RASGRP2: variants seen among roughly 807,000 people sequenced by gnomAD.
RASGRP2 encodes the protein RAS guanyl releasing protein 2, also known as RAS guanyl-releasing protein 2.
In RASGRP2, 44 loss-of-function variants were observed where a neutral mutation model predicts 71.0. That is an observed-to-expected ratio of 0.62 (90% CI 0.49 to 0.80). RASGRP2 has a LOEUF of 0.80. Among genes scored for constraint, RASGRP2 ranks in the 30% least tolerant of loss-of-function variants. The probability of loss-of-function intolerance (pLI) is 0.00; values close to 1 mark genes in which losing one functional copy is unlikely to be tolerated. For synonymous variants in RASGRP2, 350 were observed against 330.7 expected (o/e 1.06, Z -0.63); for missense variants, 663 against 813.4 (o/e 0.82, Z 2.25).
Position 64,740,130 on chromosome 11 carries a change from C to T in RASGRP2, c.405G>A (p.Gln135=). The T allele has an allele frequency of 6.2e-7, 1 of 1,614,144 alleles. No individual in the cohort carries two copies. Among genetic ancestry groups the T allele is most frequent in the Non-Finnish European group, 8.5e-7 (1 of 1,180,034 alleles). Residue 135 remains glutamine (Q), a synonymous_variant, in exon 6 of 17, where the codon CAG becomes CAA. Transcript: ENST00000394432. ...PTYKWKRQVT[Q]RNPVGQKKRK... is the part of the protein sequence containing the mutation. ...GCTTTTTCTGTCCCACAGGGTTCCG[C>T]TGAGTCACCTGCCGCTTCCACTTGT...
Position 64,743,277 on chromosome 11 carries a change from C to A in RASGRP2, c.-71-340G>T. Reference sequence around the variant, plus strand: ...CTCCCCAGAGGCACCTGCAGCACCCCGCAGCTCGGCTCTGCGCCCCTCCCG... The same window carrying A: ...CTCCCCAGAGGCACCTGCAGCACCCAGCAGCTCGGCTCTGCGCCCCTCCCG... On this transcript the variant is annotated intron_variant, in intron 1 of 16. Coordinates refer to ENST00000394432, the MANE Select transcript of RASGRP2 (RefSeq NM_001098671.2). The surrounding 1 kb of genome is among the most constrained non-coding windows in gnomAD (Gnocchi z 4.9). 2.1e-6 allele frequency: 1 copy of A among 473,308 alleles called. No individual in the cohort carries two copies. The highest frequency in any genetic ancestry group is 4.2e-6 in the Non-Finnish European group (1 of 238,498). 29.3% of individuals were successfully genotyped at this position (473,308 alleles called of 1,614,324 possible). A position where few individuals can be genotyped will look rare whatever the true frequency, so the allele number is the denominator to read the frequency against.
chr11:64,729,908 GC>G, intron 13 of RASGRP2, 110 bp from the exon 14 acceptor site: 1 of 1,568,740 alleles, frequency 6.4e-7, no homozygotes, highest in Non-Finnish European at 8.7e-7. Flanking sequence ...AGGGCCCCGG[GC>G]AGAACCACAG....
intron 5 of RASGRP2, chr11:64,740,663 G>T: frequency 1.5e-6 from 1 of 650,702 alleles, no homozygotes; most frequent in Non-Finnish European, 2.8e-6. Context: ...GGGATGATAT[G>T]AGCAGAGCAC....
intron 3 of RASGRP2, 87 bp from the exon 4 acceptor site, chr11:64,741,588 G>T: frequency 1.7e-6 from 2 of 1,207,696 alleles, no homozygotes; most frequent in Admixed American, 2.0e-5. Context: ...GGTTCTAGGA[G>T]ACACGTTCTA....
chr11:64,730,014 G>A, intron 13 of RASGRP2, 39 bp downstream of exon 13: 2 of 1,543,740 alleles, frequency 1.3e-6, no homozygotes, highest in South Asian at 1.2e-5. Context: ...GGGCTGGAGG[G>A]GCGTGGCTTG....
rs1592365138 is a variant in RASGRP2 at position 64,734,985 on chromosome 11, A to G, written c.1412+127T>C. ...CCCACAAAAGCAAGTGCCCTTTCCC[A>G]CACTGGCAGCTTCCCAGGCCAAGAT... On this transcript the variant is annotated intron_variant, in intron 12 of 16. Transcript: ENST00000394432. 1.0e-5 allele frequency: 8 copies of G among 784,206 alleles called. No homozygotes were observed. In the East Asian group the frequency reaches 2.1e-4, roughly 21 times the overall value. The allele number at this position is 784,206 out of a possible 1,614,324, so 48.6% of individuals were successfully genotyped here. A position where few individuals can be genotyped will look rare whatever the true frequency, so the allele number is the denominator to read the frequency against.
At chr11:64,728,685 G>A (rs1273432240) in intron 15 of RASGRP2, among the ~76,000 whole-genome samples, 178 bp downstream of exon 15, 4 of 151,790 alleles carry the variant, frequency 2.6e-5, no homozygotes, top group South Asian at 2.1e-4. Flanking sequence ...CGCCCGCCTC[G>A]GCCTCCCAAA....
At position 64,742,730 on chromosome 11, in the gene RASGRP2, G is replaced by A; in HGVS notation, c.73+64C>T. ...CTGTGCCCTGGACTGTGCCTGGGAG[G>A]CAGGGACCCGGGCTCAGACTCGGGG... On this transcript the variant is annotated intron_variant, in intron 2 of 16. Coordinates refer to ENST00000394432, the MANE Select transcript of RASGRP2 (RefSeq NM_001098671.2). This position sits in a 1 kb window ranked among gnomAD's most constrained non-coding sequence, Gnocchi z 4.7. 1.3e-6 allele frequency: 2 copies of A among 1,554,564 alleles called. No individual in the cohort carries two copies. The highest frequency in any genetic ancestry group is 1.2e-5 in the South Asian group (1 of 84,666).
rs1435450843 is a variant in RASGRP2 at position 64,730,117 on chromosome 11, A to G, written c.1490T>C (p.Phe497Ser). 3.2e-6 allele frequency: 5 copies of G among 1,550,850 alleles called. No homozygotes were observed. In the East Asian group the frequency reaches 9.8e-5, roughly 30 times the overall value. ...SSSVLGGRMG[F>S]VHNFQESNSL... The stretch of plus-strand genomic sequence containing the variant: ...GTTGCTCTCCTGGAAGTTGTGTACG[A>G]AGCCCATGCGCCCCCCCAACACAGA... The change falls in exon 13 of 17, where the codon TTC becomes TCC. Residue 497 changes from phenylalanine (F) to serine (S), a missense_variant. Phe to Ser is a radical substitution (Grantham distance 155). Coordinates refer to ENST00000394432, the MANE Select transcript of RASGRP2 (RefSeq NM_001098671.2).
intron 12 of RASGRP2, 94 bp from the exon 13 acceptor site, chr11:64,730,288 G>C: frequency 1.3e-6 from 2 of 1,488,908 alleles, no homozygotes; most frequent in Non-Finnish European, 1.8e-6. Context: ...TGTCCTCATG[G>C]AACTCCTGAT....
chr11:64,732,386 C>T (rs1454178834), intron 12 of RASGRP2, among the ~76,000 whole-genome samples: 3 of 152,138 alleles, frequency 2.0e-5, no homozygotes, highest in Admixed American at 1.3e-4. Flanking sequence ...AGGCCAGGTG[C>T]GGTGGCTCAC....
chr11:64,736,422 C>A (rs1301797836), intron 9 of RASGRP2, among the ~76,000 whole-genome samples: 1 of 152,156 alleles, frequency 6.6e-6, no homozygotes, highest in African/African-American at 2.4e-5. Flanking sequence ...CACTCCGAGC[C>A]CAGGGCCATG....
At chr11:64,744,606 C>T (rs1428154192), upstream of RASGRP2, 1 of 152,100 alleles carries the variant, frequency 6.6e-6, no homozygotes, top group Non-Finnish European at 1.5e-5. Context: ...GCCGCTGCCC[C>T]CTCTCCCAGA....
chr11:64,733,851 T>TC (rs1284463323), intron 12 of RASGRP2, among the ~76,000 whole-genome samples: 9 of 41,178 alleles, frequency 2.2e-4, no homozygotes, highest in Non-Finnish European at 5.0e-4. Flanking sequence ...TCCTTTTTTT[T>TC]TCTTTTTTTT....
chr11:64,729,830 G>A (rs1157477951), intron 13 of RASGRP2, 32 bp from the exon 14 acceptor site: 2 of 1,612,606 alleles, frequency 1.2e-6, no homozygotes, highest in Non-Finnish European at 1.7e-6. Flanking sequence ...GGTGGGAGGA[G>A]GGATTTAGAG....
chr11:64,735,816 G>C lies in RASGRP2; in HGVS notation c.1173+87C>G. On this transcript the variant is annotated intron_variant, in intron 10 of 16. Transcript: ENST00000394432. The surrounding 1 kb of genome is among the most constrained non-coding windows in gnomAD (Gnocchi z 4.2). ...TCTGTCCTACAAGATGGATGGGTGA[G>C]GTGGCTGCTAAGAGCTCTTCCCATC... The C allele has an allele frequency of 6.7e-7, 1 of 1,490,008 alleles. No individual in the cohort carries two copies. Among genetic ancestry groups the C allele is most frequent in the Non-Finnish European group, 9.2e-7 (1 of 1,085,834 alleles). The allele number at this position is 1,490,008 out of a possible 1,614,324, so 92.3% of individuals were successfully genotyped here.
Position 64,740,936 on chromosome 11 carries a change from C to A in RASGRP2, c.371+12G>T. The A allele has an allele frequency of 6.2e-7, 1 of 1,613,448 alleles. No homozygotes were observed. The highest frequency in any genetic ancestry group is 8.5e-7 in the Non-Finnish European group (1 of 1,179,648). On this transcript the variant is annotated intron_variant, in intron 5 of 16. Coordinates refer to ENST00000394432, the MANE Select transcript of RASGRP2 (RefSeq NM_001098671.2). ...GAGTGCCCCCCCAGCCCTCTGTGCT[C>A]CCCCCACGCACACGCTGTCTATGTC...
Position 64,742,699 on chromosome 11 carries a change from T to A in RASGRP2, c.73+95A>T, listed in dbSNP as rs2058170605. The A allele has an allele frequency of 1.3e-6, 2 of 1,504,888 alleles. No individual in the cohort carries two copies. The highest frequency in any genetic ancestry group is 1.8e-6 in the Non-Finnish European group (2 of 1,108,618). The allele number at this position is 1,504,888 out of a possible 1,614,324, so 93.2% of individuals were successfully genotyped here. A position where few individuals can be genotyped will look rare whatever the true frequency, so the allele number is the denominator to read the frequency against. ...CGCTGCGGAGCAGGGTGGGTCCGGG[T>A]CAGGGCTGTGCCCTGGACTGTGCCT... On this transcript the variant is annotated intron_variant, in intron 2 of 16. Coordinates refer to ENST00000394432, the MANE Select transcript of RASGRP2 (RefSeq NM_001098671.2). The surrounding 1 kb of genome is among the most constrained non-coding windows in gnomAD (Gnocchi z 4.7).
In RASGRP2 at chr11:64,743,306, C is replaced by T; in HGVS notation, c.-71-369G>A. ...GCTCGGCTCTGCGCCCCTCCCGCTT[C>T]CCTCCCTCCACAGCCTCCCTTCCCC... On this transcript the variant is annotated intron_variant, in intron 1 of 16. Transcript: ENST00000394432. The surrounding 1 kb of genome is among the most constrained non-coding windows in gnomAD (Gnocchi z 4.9). 2.2e-6 allele frequency: 1 copy of T among 459,866 alleles called. No homozygotes were observed. The highest frequency in any genetic ancestry group is 1.6e-5 in the South Asian group (1 of 64,198). 28.5% of individuals were successfully genotyped at this position (459,866 alleles called of 1,614,324 possible). A position where few individuals can be genotyped will look rare whatever the true frequency, so the allele number is the denominator to read the frequency against.
Sources: allele counts gnomAD v4.1 joint callset (sites outside exome capture counted in the v4.1 genomes callset), GRCh38; gene constraint gnomAD v4.1.1; non-coding constraint Gnocchi (gnomAD v3.1); transcripts MANE v1.5; gene names NCBI Gene and HGNC (gene_info 2026-07-23, HGNC 2026-07-21).